PPDPF: variants seen among roughly 807,000 people sequenced by gnomAD.
PPDPF encodes the protein exocrine differentiation and proliferation factor.
In PPDPF, 11 loss-of-function variants were observed where a neutral mutation model predicts 6.3. The observed-to-expected ratio is 1.76, with a 90% confidence interval of 1.11 to 2.91. The LOEUF (loss-of-function observed/expected upper bound fraction) is 2.91. PPDPF is among the 30% of genes most tolerant of loss of function. The pLI is 0.00. For synonymous variants in PPDPF, 86 were observed against 64.5 expected (o/e 1.33, Z -1.60); for missense variants, 202 against 159.4 (o/e 1.27, Z -1.44).
chr20:63,520,799 C>A lies in PPDPF; in HGVS notation c.-121C>A. On this transcript the variant is annotated 5_prime_UTR_variant, in exon 1 of 4. Coordinates refer to ENST00000370179, the MANE Select transcript of PPDPF (RefSeq NM_024299.4). ...GCGCCTCTCTGTCGTGGCGCGGCTT[C>A]CCGCGGTCTTCTCTGCAAATGGGCT... The A allele has an allele frequency of 1.0e-6, 1 of 983,238 alleles. No homozygotes were observed. The highest frequency in any genetic ancestry group is 1.2e-6 in the Non-Finnish European group (1 of 829,618). The allele number at this position is 983,238 out of a possible 1,614,324, so 60.9% of individuals were successfully genotyped here. A position where few individuals can be genotyped will look rare whatever the true frequency, so the allele number is the denominator to read the frequency against.
chr20:63,521,248 C>G, intron 1 of PPDPF, 36 bp from the exon 2 acceptor site: 1 of 1,524,464 alleles, frequency 6.6e-7, no homozygotes, highest in Non-Finnish European at 8.9e-7. Context: ...GACGGAAGGC[C>G]GCTGACCCGA....
chr20:63,521,350 CG>C lies in PPDPF; in HGVS notation c.43del (p.Asp15ThrfsTer73). 6.2e-7 allele frequency: 1 copy of C among 1,608,978 alleles called. No individual in the cohort carries two copies. Among genetic ancestry groups the C allele is most frequent in the Non-Finnish European group, 8.5e-7 (1 of 1,178,506 alleles). ...CCAGCGGCTCGCTCGTGGCCACCCA[CG>C]ACTACTACCGGCGTGAGTAGCCCCT... ...PSSGSLVATH[D>X]YYRRRLGSTS... On this transcript the variant is annotated frameshift_variant, in exon 2 of 4. Transcript: ENST00000370179. LOFTEE classifies it high-confidence loss of function.
At chr20:63,521,158 G>A in intron 1 of PPDPF, 126 bp from the exon 2 acceptor site, 2 of 974,240 alleles carry the variant, frequency 2.1e-6, no homozygotes, top group East Asian at 3.1e-5. Flanking sequence ...GCGCGGCGAA[G>A]GCGGTGCCGG....
chr20:63,521,980 C>A lies in PPDPF; in HGVS notation c.*101C>A. On this transcript the variant is annotated 3_prime_UTR_variant, in exon 4 of 4. Coordinates refer to ENST00000370179, the MANE Select transcript of PPDPF (RefSeq NM_024299.4). Reference sequence around the variant, plus strand: ...TCCGCATCCCTCGCCCCCCTCCCCACCTCCCACCCCCCACCCTGTAAACTA... The same window carrying A: ...TCCGCATCCCTCGCCCCCCTCCCCAACTCCCACCCCCCACCCTGTAAACTA... 1 of 839,836 alleles carries A rather than the reference C, an allele frequency of 1.2e-6. No homozygotes were observed. The highest frequency in any genetic ancestry group is 1.9e-6 in the Non-Finnish European group (1 of 540,188). 52.0% of individuals were successfully genotyped at this position (839,836 alleles called of 1,614,324 possible).
At position 63,521,656 on chromosome 20, in the gene PPDPF, C is replaced by A; in HGVS notation, c.134-12C>A. Reference sequence around the variant, plus strand: ...AGCTGGCAGCATCAAGACCCCACTTCGCTTCTCTCAGGTCTCCCCAAGGCT... The same window carrying A: ...AGCTGGCAGCATCAAGACCCCACTTAGCTTCTCTCAGGTCTCCCCAAGGCT... On this transcript the variant is annotated splice_polypyrimidine_tract_variant and intron_variant, in intron 3 of 3. Transcript: ENST00000370179. 2 of 1,613,358 alleles carry A rather than the reference C, an allele frequency of 1.2e-6. No individual in the cohort carries two copies. The highest frequency in any genetic ancestry group is 2.2e-5 in the South Asian group (2 of 91,076).
chr20:63,522,174 G>A lies in PPDPF; in HGVS notation c.*295G>A. The A allele has an allele frequency of 2.0e-6, 1 of 493,726 alleles. No individual in the cohort carries two copies. The highest frequency in any genetic ancestry group is 3.8e-6 in the Non-Finnish European group (1 of 263,348). 30.6% of individuals were successfully genotyped at this position (493,726 alleles called of 1,614,324 possible). On this transcript the variant is annotated 3_prime_UTR_variant, in exon 4 of 4. Coordinates refer to ENST00000370179, the MANE Select transcript of PPDPF (RefSeq NM_024299.4). ...CTCCAAGCAGCCAGTAGCCCCGATGGTGTGTGCCTGAGCTGTGTGGCCCGA... is the reference window on the plus strand; with the variant it reads ...CTCCAAGCAGCCAGTAGCCCCGATGATGTGTGCCTGAGCTGTGTGGCCCGA...
At chr20:63,521,140 C>A in intron 1 of PPDPF, 144 bp from the exon 2 acceptor site, 2 of 920,844 alleles carry the variant, frequency 2.2e-6, no homozygotes, top group South Asian at 2.1e-5. Flanking sequence ...TGGAGCCGCC[C>A]GCGCCCCGCG....
rs2082551068 is a variant in PPDPF, at chr20:63,521,838, G to A, written c.304G>A (p.Gly102Ser). ...LARDAPRKQPGGQSSTASAGP... is the reference protein window; with the variant it reads ...LARDAPRKQPSGQSSTASAGP... ...TCGGGACGCCCCGAGGAAGCAGCCC[G>A]GCGGTCAGTCCAGCACAGCCAGCGC... The change falls in exon 4 of 4, where the codon GGC (glycine) becomes AGC (serine). Residue 102 changes from glycine (G) to serine (S), a missense_variant. By Grantham distance (56) the Gly-to-Ser change is moderately conservative (BLOSUM62 0). Coordinates refer to ENST00000370179, the MANE Select transcript of PPDPF (RefSeq NM_024299.4). 2 of 1,607,972 alleles carry A rather than the reference G, an allele frequency of 1.2e-6. No individual in the cohort carries two copies. The highest frequency in any genetic ancestry group is 1.7e-6 in the Non-Finnish European group (2 of 1,178,174).
intron 1 of PPDPF, 43 bp downstream of exon 1, chr20:63,520,937 G>T (rs1569004983): frequency 2.0e-6 from 2 of 1,016,488 alleles, no homozygotes; most frequent in Non-Finnish European, 2.4e-6. Flanking sequence ...GGCCCGAGGG[G>T]CGGGGGGCGA....
intron 1 of PPDPF, among the ~76,000 whole-genome samples, 152 bp from the exon 2 acceptor site, chr20:63,521,132 G>T (rs961654336): frequency 1.3e-5 from 2 of 151,972 alleles, no homozygotes; most frequent in Non-Finnish European, 1.5e-5. Context: ...GGGCTGGTTG[G>T]AGCCGCCCGC....
Position 63,521,824 on chromosome 20 carries a change from C to G in PPDPF, c.290C>G (p.Pro97Arg), listed in dbSNP as rs761076255. ...GCCTGTGGCCTGGCTCGGGACGCCC[C>G]GAGGAAGCAGCCCGGCGGTCAGTCC... The part of the protein sequence containing the change: ...MTACGLARDA[P>R]RKQPGGQSST... The change falls in exon 4 of 4, where the codon CCG becomes CGG. Residue 97 changes from proline to arginine, a missense_variant. Pro to Arg is a moderately radical substitution (Grantham distance 103). Transcript: ENST00000370179. 101 of 1,610,680 alleles carry G rather than the reference C, an allele frequency of 6.3e-5. 1 individual carries two copies. Among genetic ancestry groups the G allele is most frequent in the South Asian group, 1.2e-4 (11 of 90,840 alleles).
In PPDPF at chr20:63,520,905, C is replaced by T. The variant is rs1284791031; in HGVS notation, c.-26+11C>T. 1 of 1,000,672 alleles carries T rather than the reference C, an allele frequency of 1.0e-6. No homozygotes were observed. Among genetic ancestry groups the T allele is most frequent in the Non-Finnish European group, 1.2e-6 (1 of 840,742 alleles). 62.0% of individuals were successfully genotyped at this position (1,000,672 alleles called of 1,614,324 possible). ...GGGGTCGCCGCCCAGGTGAGGGGCG[C>T]CGCGCGCGGGTGGGACGAGCAGGCC... On this transcript the variant is annotated intron_variant, in intron 1 of 3. Transcript: ENST00000370179.
chr20:63,521,856 G>A lies in PPDPF; in HGVS notation c.322G>A (p.Ala108Thr). Residue 108 changes from alanine to threonine, a missense_variant, in exon 4 of 4, where the codon GCC (alanine) becomes ACC (threonine). Transcript: ENST00000370179. ...RKQPGGQSST[A>T]SAGPPS ...GCAGCCCGGCGGTCAGTCCAGCACA[G>A]CCAGCGCTGGGCCCCCGTCCTGACC... 1.3e-6 allele frequency: 2 copies of A among 1,599,142 alleles called. No individual in the cohort carries two copies. The highest frequency in any genetic ancestry group is 1.7e-6 in the Non-Finnish European group (2 of 1,173,852).
In PPDPF at chr20:63,521,768, G is replaced by C; in HGVS notation, c.234G>C (p.Ser78=). ...MATVLESAEH[S]EPPQASSSMT... ...CGGTGTTGGAGTCCGCAGAGCACTC[G>C]GAACCTCCCCAGGCCTCCAGCAGCA... is the stretch of plus-strand genomic sequence containing the variant. Residue 78 remains serine (S), a synonymous_variant, in exon 4 of 4, where the codon TCG becomes TCC. Transcript: ENST00000370179. 1 of 1,612,842 alleles carries C rather than the reference G, an allele frequency of 6.2e-7. No individual in the cohort carries two copies. Among genetic ancestry groups the C allele is most frequent in the Admixed American group, 1.7e-5 (1 of 60,014 alleles).
chr20:63,521,196 A>T, intron 1 of PPDPF, 88 bp from the exon 2 acceptor site: 2 of 1,250,226 alleles, frequency 1.6e-6, no homozygotes, highest in Non-Finnish European at 2.2e-6. Flanking sequence ...CTCGGTAAAT[A>T]ACCCAGCGCG....
Position 63,522,088 on chromosome 20 carries a change from C to T in PPDPF, c.*209C>T, listed in dbSNP as rs1325631048. The T allele has an allele frequency of 1.6e-5, 10 of 610,858 alleles. No homozygotes were observed. The highest frequency in any genetic ancestry group is 5.6e-5 in the East Asian group (2 of 35,700). 37.8% of individuals were successfully genotyped at this position (610,858 alleles called of 1,614,324 possible). On this transcript the variant is annotated 3_prime_UTR_variant, in exon 4 of 4. Transcript: ENST00000370179. The stretch of plus-strand genomic sequence containing the variant: ...AGCCCCGCTCTCTACCGCCCGGCCC[C>T]AGCACTCGCTAGCTTTCCTGACACC...
In PPDPF at chr20:63,521,701, C is replaced by T. The variant is rs1235532278; in HGVS notation, c.167C>T (p.Ala56Val). The change falls in exon 4 of 4, where the codon GCC becomes GTC. Residue 56 changes from alanine to valine, a missense_variant. Ala to Val is a moderately conservative substitution (Grantham distance 64). Transcript: ENST00000370179. ...AAGGCTGACCCGGGTCATTGGTGGG[C>T]CAGCTTCTTTTTCGGGAAGTCCACC... ...LPKADPGHWWASFFFGKSTLP... is the reference protein window; with the variant it reads ...LPKADPGHWWVSFFFGKSTLP... 4 of 1,613,454 alleles carry T rather than the reference C, an allele frequency of 2.5e-6. No homozygotes were observed. The Admixed American group carries it at 6.7e-5, about 27-fold the overall frequency.
At position 63,521,550 on chromosome 20, in the gene PPDPF, AGTACC is replaced by A; in HGVS notation, c.96_100del (p.Ser32ArgfsTer17). On this transcript the variant is annotated frameshift_variant, in exon 3 of 4. Coordinates refer to ENST00000370179, the MANE Select transcript of PPDPF (RefSeq NM_024299.4). LOFTEE classifies it low-confidence loss of function (END_TRUNC). ...CACTTCCAGCAACAGCTCCTGCAGCAGTACCGAGTGCCCCGGGGAAGCCATTCCCC... is the reference window on the plus strand; with the variant it reads ...CACTTCCAGCAACAGCTCCTGCAGCAGAGTGCCCCGGGGAAGCCATTCCCC... 6.2e-7 allele frequency: 1 copy of A among 1,602,570 alleles called. No individual in the cohort carries two copies. The highest frequency in any genetic ancestry group is 1.1e-5 in the South Asian group (1 of 89,502).
rs555553409 is a variant in PPDPF, at chr20:63,520,858, G to A, written c.-62G>A. 4.8e-3 allele frequency: 4,750 copies of A among 989,414 alleles called. 14 individuals carry two copies. The highest frequency in any genetic ancestry group is 5.4e-3 in the Non-Finnish European group (4,485 of 833,018). The allele number at this position is 989,414 out of a possible 1,614,324, so 61.3% of individuals were successfully genotyped here. ...TAGCGCCCCCGTCCCCGCCACCCGT[G>A]ATCGTGCGCCGAGGCCCGCGAGGGG... On this transcript the variant is annotated 5_prime_UTR_variant, in exon 1 of 4. Coordinates refer to ENST00000370179, the MANE Select transcript of PPDPF (RefSeq NM_024299.4).
Sources: gnomAD v4.1 joint callset for allele counts (sites outside exome capture counted in the v4.1 genomes callset) on GRCh38, gnomAD v4.1.1 for gene constraint, MANE v1.5 for transcripts, NCBI Gene and HGNC (gene_info 2026-07-23, HGNC 2026-07-21) for gene names.